The following DKK2 variants were observed in gnomAD, a reference collection of about 807,000 sequenced individuals.
DKK2 encodes the protein dickkopf-related protein 2.
In DKK2, 11 loss-of-function variants were observed where a neutral mutation model predicts 28.1. That is an observed-to-expected ratio of 0.39 (90% CI 0.25 to 0.65). DKK2 has a LOEUF of 0.65. DKK2 is among the 30% of genes least tolerant of loss of function. The probability of loss-of-function intolerance (pLI) is 0.47; values close to 1 mark genes in which losing one functional copy is unlikely to be tolerated. For synonymous variants in DKK2, 135 were observed against 126.5 expected, an observed-to-expected ratio of 1.07 and a Z score of -0.45; for missense variants, 326 against 335.5, an observed-to-expected ratio of 0.97 and a Z score of 0.22.
intron 1 of DKK2, among the ~76,000 whole-genome samples, chr4:106,954,382 T>G (rs1722554368): frequency 6.6e-6 from 1 of 152,208 alleles, no homozygotes; most frequent in South Asian, 2.1e-4. Flanking sequence ...ATCAAAAATT[T>G]TATTTTAGCC....
At chr4:106,956,797 C>A (rs1238750952) in intron 1 of DKK2, among the ~76,000 whole-genome samples, 28 of 151,482 alleles carry the variant, frequency 1.8e-4, no homozygotes, top group African/African-American at 6.1e-4. Context: ...ACCATAAAAA[C>A]CCTAGAAGAA....
intron 1 of DKK2, among the ~76,000 whole-genome samples, chr4:106,962,722 A>G (rs1159034281): frequency 6.6e-6 from 1 of 152,112 alleles, no homozygotes; most frequent in East Asian, 1.9e-4. Flanking sequence ...GTAAGACCTC[A>G]AAAGTACAGG....
chr4:106,936,491 T>G (rs773687195), intron 1 of DKK2, among the ~76,000 whole-genome samples: 4 of 152,168 alleles, frequency 2.6e-5, no homozygotes, highest in Admixed American at 6.5e-5. Flanking sequence ...TACATCTCAC[T>G]GGTGTACCTG....
At chr4:106,986,183 T>C (rs1184622800) in intron 1 of DKK2, among the ~76,000 whole-genome samples, 1 of 152,218 alleles carries the variant, frequency 6.6e-6, no homozygotes, top group African/African-American at 2.4e-5. Context: ...TGACAGCCAC[T>C]GTATTTTGAC....
chr4:107,000,277 T>C (rs571313460), intron 1 of DKK2, among the ~76,000 whole-genome samples: 2 of 152,268 alleles, frequency 1.3e-5, no homozygotes, highest in South Asian at 4.2e-4. Flanking sequence ...AGATCAGTGG[T>C]TTTGGAATGA....
chr4:106,956,470 C>A (rs1050156225), intron 1 of DKK2, among the ~76,000 whole-genome samples: 2 of 152,214 alleles, frequency 1.3e-5, no homozygotes, highest in Non-Finnish European at 2.9e-5. Flanking sequence ...AAGAACAAAG[C>A]TGGAGGCATC....
At chr4:106,964,809 C>T (rs1722743131) in intron 1 of DKK2, among the ~76,000 whole-genome samples, 1 of 152,012 alleles carries the variant, frequency 6.6e-6, no homozygotes, top group South Asian at 2.1e-4. Context: ...CTGACTCAAG[C>T]CTGGAACACC....
intron 1 of DKK2, among the ~76,000 whole-genome samples, chr4:107,034,595 C>G (rs1286097694): frequency 6.6e-6 from 1 of 152,206 alleles, no homozygotes; most frequent in Non-Finnish European, 1.5e-5. Flanking sequence ...CCTTCAGTGT[C>G]CTGCTGTATC....
rs543579463 is a variant in DKK2 at position 106,924,294 on chromosome 4, C to T, written c.530-90G>A. The stretch of plus-strand genomic sequence containing the variant: ...ATCAGAAGCACATAAAATATTTTTA[C>T]TTATACTATCTTCTATGTTGTTACC... On this transcript the variant is annotated intron_variant, in intron 3 of 3. Coordinates refer to ENST00000285311, the MANE Select transcript of DKK2 (RefSeq NM_014421.3). 542 of 1,476,966 alleles carry T rather than the reference C, an allele frequency of 3.7e-4. 6 individuals carry two copies. The South Asian group carries it at 6.1e-3, about 17-fold the overall frequency. 91.5% of individuals were successfully genotyped at this position (1,476,966 alleles called of 1,614,324 possible).
chr4:106,940,476 T>A (rs192310811), intron 1 of DKK2, among the ~76,000 whole-genome samples: 3,679 of 150,576 alleles, frequency 0.024, 55 homozygotes, highest in Non-Finnish European at 0.036. Flanking sequence ...CTGGAGAGGA[T>A]GTGGAGAAAT....
At chr4:107,023,425 T>A (rs1723724907) in intron 1 of DKK2, among the ~76,000 whole-genome samples, 1 of 152,000 alleles carries the variant, frequency 6.6e-6, no homozygotes, top group African/African-American at 2.4e-5. Flanking sequence ...CTGCATGACA[T>A]CCTGGATGAG....
At position 106,997,768 on chromosome 4, in the gene DKK2, T is replaced by A. The variant is rs570369037; in HGVS notation, c.222+37602A>T. On this transcript the variant is annotated intron_variant, in intron 1 of 3. Coordinates refer to ENST00000285311, the MANE Select transcript of DKK2 (RefSeq NM_014421.3). Reference sequence around the variant, plus strand: ...GCATATTCAGGTCTGCAACTATGCATGCATGTGTAATCAGTTACTCAGAAA... The same window carrying A: ...GCATATTCAGGTCTGCAACTATGCAAGCATGTGTAATCAGTTACTCAGAAA... 5.9e-5 allele frequency among the ~76,000 whole-genome samples: 9 copies of A among 152,366 alleles called. No homozygotes were observed. The South Asian group carries it at 1.9e-3, about 32-fold the overall frequency.
At chr4:107,026,467 T>C (rs1462469008) in intron 1 of DKK2, among the ~76,000 whole-genome samples, 2 of 152,222 alleles carry the variant, frequency 1.3e-5, no homozygotes, top group Non-Finnish European at 2.9e-5. Context: ...CATAGTTACT[T>C]GCACATTTTA....
intron 1 of DKK2, among the ~76,000 whole-genome samples, chr4:106,975,376 A>AT (rs1054102597): frequency 4.0e-5 from 6 of 151,766 alleles, no homozygotes; most frequent in Non-Finnish European, 7.4e-5. Context: ...TGATCCTGGG[A>AT]TTTTTTTGGT....
intron 1 of DKK2, among the ~76,000 whole-genome samples, chr4:106,989,942 A>G (rs1404208267): frequency 6.6e-6 from 1 of 150,642 alleles, no homozygotes; most frequent in African/African-American, 2.5e-5. Flanking sequence ...AAATATCTTT[A>G]GTTTAACCCA....
At chr4:106,934,825 G>T (rs1031705320) in intron 1 of DKK2, among the ~76,000 whole-genome samples, 1 of 152,148 alleles carries the variant, frequency 6.6e-6, no homozygotes, top group Admixed American at 6.5e-5. Flanking sequence ...TCATTCTATG[G>T]TGAAATGACT....
intron 1 of DKK2, among the ~76,000 whole-genome samples, chr4:106,991,945 C>T (rs1215769890): frequency 1.3e-5 from 2 of 152,080 alleles, no homozygotes; most frequent in Admixed American, 6.5e-5. Flanking sequence ...CTGTCTTTTG[C>T]GTCACTCCTT....
intron 1 of DKK2, among the ~76,000 whole-genome samples, chr4:106,960,807 C>T (rs1459974924): frequency 1.3e-5 from 2 of 152,054 alleles, no homozygotes; most frequent in Non-Finnish European, 2.9e-5. Flanking sequence ...TCTTTTTCTA[C>T]CAAGCCAGTC....
intron 1 of DKK2, among the ~76,000 whole-genome samples, chr4:106,938,285 A>T (rs1174366356): frequency 6.6e-6 from 1 of 152,262 alleles, no homozygotes; most frequent in East Asian, 1.9e-4. Context: ...GATAAAGGGG[A>T]TATCACCACC....
Sources: gnomAD v4.1 joint callset for allele counts (sites outside exome capture counted in the v4.1 genomes callset) on GRCh38, gnomAD v4.1.1 for gene constraint, MANE v1.5 for transcripts, NCBI Gene and HGNC (gene_info 2026-07-23, HGNC 2026-07-21) for gene names.